The following SYT6 variants were observed in gnomAD, a reference collection of about 807,000 sequenced individuals.
SYT6 encodes the protein synaptotagmin 6.
In SYT6, 24 loss-of-function variants were observed where a neutral mutation model predicts 38.4. That is an observed-to-expected ratio of 0.62 (90% confidence interval 0.45 to 0.88). The LOEUF (loss-of-function observed/expected upper bound fraction) is 0.88, where lower values mean the gene tolerates loss of function less well. Ranked by LOEUF, SYT6 falls within the 40% of genes least tolerant of loss-of-function variation. The pLI is 0.00. For missense variants in SYT6, 611 were observed against 621.0 expected (o/e 0.98, Z 0.17); for synonymous variants, 265 against 241.9 (o/e 1.10, Z -0.89).
At chr1:114,113,076 G>C (rs1676782434) in intron 3 of SYT6, among the ~76,000 whole-genome samples, 1 of 152,192 alleles carries the variant, frequency 6.6e-6, no homozygotes, top group Admixed American at 6.5e-5. Flanking sequence ...CGTGACAGTG[G>C]CTTTAGCTTC....
chr1:114,143,285 G>C (rs549305400), intron 1 of SYT6, among the ~76,000 whole-genome samples: 2 of 148,202 alleles, frequency 1.3e-5, no homozygotes, highest in South Asian at 4.2e-4. Flanking sequence ...GTGTACAATA[G>C]AATTACACAA....
rs912797533 is a variant in SYT6 at position 114,153,754 on chromosome 1, C to G, written c.19G>C (p.Ala7Pro). 1 of 680,298 alleles carries G rather than the reference C, an allele frequency of 1.5e-6. No homozygotes were observed. The highest frequency in any genetic ancestry group is 2.9e-5 in the East Asian group (1 of 33,908). The allele number at this position is 680,298 out of a possible 1,614,324, so 42.1% of individuals were successfully genotyped here. The change falls in exon 1 of 8, where the codon GCC (alanine) becomes CCC (proline). Residue 7 changes from alanine to proline, a missense_variant. Ala to Pro is a conservative substitution (Grantham distance 27, BLOSUM62 -1). Transcript: ENST00000610222. The stretch of plus-strand genomic sequence containing the variant: ...GCCTCCTGGCACCGAGGCCCGCCGG[C>G]CCCCCACACTCCGCTCATGCCCTAG... MSGVWGAGGPRCQEALA... is the reference protein window; with the variant it reads MSGVWGPGGPRCQEALA...
rs2101613522 is a variant in SYT6 at position 114,091,998 on chromosome 1, T to C, written c.*136A>G. The C allele has an allele frequency of 6.5e-7, 1 of 1,536,188 alleles. No individual in the cohort carries two copies. Among genetic ancestry groups the C allele is most frequent in the East Asian group, 2.4e-5 (1 of 41,052 alleles). On this transcript the variant is annotated 3_prime_UTR_variant, in exon 8 of 8. Transcript: ENST00000610222. ...CATTGCTGAGTCCCATTTGTGTTATTTGGCTGCACATCTCATGGTGTTGGA... is the reference window on the plus strand; with the variant it reads ...CATTGCTGAGTCCCATTTGTGTTATCTGGCTGCACATCTCATGGTGTTGGA...
At chr1:114,127,450 A>G (rs1677812403) in intron 3 of SYT6, among the ~76,000 whole-genome samples, 1 of 152,124 alleles carries the variant, frequency 6.6e-6, no homozygotes, top group Admixed American at 6.5e-5. Context: ...GGGCAGTCCC[A>G]GAAAAGTCAA....
rs1675178189 is a variant in SYT6, at chr1:114,089,551, A to G, written c.*2583T>C. 1 of 152,384 alleles carries G rather than the reference A, an allele frequency of 6.6e-6. No individual in the cohort carries two copies. The highest frequency in any genetic ancestry group is 1.5e-5 in the Non-Finnish European group (1 of 68,040). The allele number at this position is 152,384 out of a possible 1,614,324, so 9.4% of individuals were successfully genotyped here. On this transcript the variant is annotated 3_prime_UTR_variant, in exon 8 of 8. Coordinates refer to ENST00000610222, the MANE Select transcript of SYT6 (RefSeq NM_001253772.2). Reference sequence around the variant, plus strand: ...CACAACTTCATCAAAGCTCACAGCAACAACCCGAGAGGTTTCTCCGGCCAG... The same window carrying G: ...CACAACTTCATCAAAGCTCACAGCAGCAACCCGAGAGGTTTCTCCGGCCAG...
Position 114,153,817 on chromosome 1 carries a change from C to T in SYT6, c.-45G>A. On this transcript the variant is annotated 5_prime_UTR_variant, in exon 1 of 8. Transcript: ENST00000610222. ...GCCGAGCAGCAGCTCGAACCCGCGCCCCGGCCGCACTGGGGCGGGGCACGA... is the reference window on the plus strand; with the variant it reads ...GCCGAGCAGCAGCTCGAACCCGCGCTCCGGCCGCACTGGGGCGGGGCACGA... 1 of 601,252 alleles carries T rather than the reference C, an allele frequency of 1.7e-6. No individual in the cohort carries two copies. Among genetic ancestry groups the T allele is most frequent in the Non-Finnish European group, 2.9e-6 (1 of 344,714 alleles). The allele number at this position is 601,252 out of a possible 1,614,324, so 37.2% of individuals were successfully genotyped here. A position where few individuals can be genotyped will look rare whatever the true frequency, so the allele number is the denominator to read the frequency against.
Position 114,097,890 on chromosome 1 carries a change from CAA to C in SYT6, c.1365-15_1365-14del. 1 of 1,613,624 alleles carries C rather than the reference CAA, an allele frequency of 6.2e-7. No individual in the cohort carries two copies. Among genetic ancestry groups the C allele is most frequent in the Non-Finnish European group, 8.5e-7 (1 of 1,179,658 alleles). On this transcript the variant is annotated splice_polypyrimidine_tract_variant and intron_variant, in intron 5 of 7. Coordinates refer to ENST00000610222, the MANE Select transcript of SYT6 (RefSeq NM_001253772.2). ...ATTGTGGCCCACTCTGAGGGAGAAA[CAA>C]AAGTCCCAGCACTGGCTACCAGACA...
intron 3 of SYT6, among the ~76,000 whole-genome samples, chr1:114,111,449 C>T (rs1676671394): frequency 6.6e-6 from 1 of 152,184 alleles, no homozygotes; most frequent in Admixed American, 6.5e-5. Flanking sequence ...GCCATGACAC[C>T]ATCCTGCCTC....
chr1:114,139,962 G>T lies in SYT6; in HGVS notation c.165C>A (p.Gly55=). The change falls in exon 2 of 8, where the codon GGC becomes GGA. Residue 55 remains glycine (G), a splice_region_variant and synonymous_variant. Transcript: ENST00000610222. ...CAACTGCGAGGAGGCTGACAGAGGT[G>T]CCTGCCCTCGGCATGAGCCAGGCAG... ...PERSPSAAGA[G]TSVSLLAVVV... is the part of the protein sequence containing the mutation. 2 of 1,491,238 alleles carry T rather than the reference G, an allele frequency of 1.3e-6. No individual in the cohort carries two copies. 92.4% of individuals were successfully genotyped at this position (1,491,238 alleles called of 1,614,324 possible).
rs143589057 is a variant in SYT6, at chr1:114,151,290, C to T, written c.163+2320G>A. 8.4e-3 allele frequency among the ~76,000 whole-genome samples: 1,285 copies of T among 152,274 alleles called. 24 individuals are homozygous for T. Among genetic ancestry groups the T allele is most frequent in the African/African-American group, 0.03 (1,233 of 41,536 alleles). On this transcript the variant is annotated intron_variant, in intron 1 of 7. Coordinates refer to ENST00000610222, the MANE Select transcript of SYT6 (RefSeq NM_001253772.2). ...TCCCTTTCAGCCTCTCAGCTTGGAC[C>T]CTGGGCTTCCTGGGACTTGTGACTC...
intron 2 of SYT6, among the ~76,000 whole-genome samples, chr1:114,138,914 G>A (rs1472641772): frequency 2.6e-5 from 4 of 152,204 alleles, no homozygotes; most frequent in Admixed American, 2.0e-4. Context: ...TGAAGACCAG[G>A]CCTCGTTCTC....
intron 6 of SYT6, among the ~76,000 whole-genome samples, chr1:114,095,779 G>A (rs934012754): frequency 6.6e-6 from 1 of 151,976 alleles, no homozygotes; most frequent in African/African-American, 2.4e-5. Context: ...TCCTGCCTCA[G>A]CCTCCAGAGT....
intron 3 of SYT6, among the ~76,000 whole-genome samples, chr1:114,127,327 C>T (rs927179201): frequency 6.6e-6 from 1 of 152,128 alleles, no homozygotes; most frequent in Non-Finnish European, 1.5e-5. Context: ...ACCATGGAGG[C>T]CCTAGTGAAG....
intron 3 of SYT6, among the ~76,000 whole-genome samples, chr1:114,120,326 C>T (rs1250852300): frequency 5.9e-5 from 9 of 152,114 alleles, no homozygotes; most frequent in Non-Finnish European, 1.2e-4. Flanking sequence ...TCTGGTTTGT[C>T]TTTACTTAAT....
rs766586844 is a variant in SYT6, at chr1:114,137,578, C to T, written c.988G>A (p.Glu330Lys). Residue 330 changes from glutamate (E) to lysine (K), a missense_variant, in exon 3 of 8, where the codon GAG (glutamate) becomes AAG (lysine). By Grantham distance (56) the Glu-to-Lys change is moderately conservative. Transcript: ENST00000610222. ...DRFSRHDMIG[E>K]VILDNLFEAS... Reference sequence around the variant, plus strand: ...TCAAAGAGGTTGTCCAGGATGACCTCGCCAATCATGTCATGGCGGGAGAAG... The same window carrying T: ...TCAAAGAGGTTGTCCAGGATGACCTTGCCAATCATGTCATGGCGGGAGAAG... 5.6e-6 allele frequency: 9 copies of T among 1,614,092 alleles called. No individual in the cohort carries two copies. Among genetic ancestry groups the T allele is most frequent in the South Asian group, 2.2e-5 (2 of 91,082 alleles).
chr1:114,149,531 A>G (rs578165794), intron 1 of SYT6, among the ~76,000 whole-genome samples: 103 of 152,268 alleles, frequency 6.8e-4, no homozygotes, highest in Middle Eastern at 3.4e-3. Context: ...AAGCTTTATG[A>G]CTGGGCGCTC....
chr1:114,126,078 T>C (rs1677712132), intron 3 of SYT6, among the ~76,000 whole-genome samples: 1 of 151,540 alleles, frequency 6.6e-6, no homozygotes, highest in African/African-American at 2.4e-5. Context: ...GCAAGAGAAT[T>C]TCCTATAAAA....
intron 6 of SYT6, among the ~76,000 whole-genome samples, chr1:114,097,171 G>A (rs570841595): frequency 6.6e-6 from 1 of 152,294 alleles, no homozygotes; most frequent in Non-Finnish European, 1.5e-5. Flanking sequence ...AGAACCCAAC[G>A]CAACCCAGCT....
chr1:114,148,440 C>T (rs1348408520), intron 1 of SYT6, among the ~76,000 whole-genome samples: 1 of 152,120 alleles, frequency 6.6e-6, no homozygotes, highest in Non-Finnish European at 1.5e-5. Context: ...GGCTTCAGGG[C>T]CTGGAATTGG....
Sources: allele counts gnomAD v4.1 joint callset (sites outside exome capture counted in the v4.1 genomes callset), GRCh38; gene constraint gnomAD v4.1.1; transcripts MANE v1.5; gene names NCBI Gene and HGNC (gene_info 2026-07-23, HGNC 2026-07-21).